HTR4: variants seen among roughly 807,000 people sequenced by gnomAD.
HTR4 encodes the protein 5-hydroxytryptamine receptor 4.
HTR4 carries 16 observed loss-of-function variants against 36.8 expected under a neutral mutation model. The ratio of observed to expected loss-of-function variants is 0.43; its 90% CI spans 0.29 to 0.66. HTR4 has a LOEUF of 0.66. Ranked by LOEUF, HTR4 falls within the 30% of genes least tolerant of loss-of-function variation. HTR4 has a pLI of 0.13. For missense variants in HTR4, 438 were observed against 490.9 expected (o/e 0.89, Z 1.02); for synonymous variants, 189 against 185.1 (o/e 1.02, Z -0.17).
intron 5 of HTR4, among the ~76,000 whole-genome samples, chr5:148,516,245 A>G (rs1757742821): frequency 6.6e-6 from 1 of 150,398 alleles, no homozygotes; most frequent in Non-Finnish European, 1.5e-5. Context: ...CTACTATTAA[A>G]TTTATCATTA....
rs143699636 is a variant in HTR4 at position 148,622,923 on chromosome 5, C to T, written c.26+14066G>A. Among the ~76,000 whole-genome samples the T allele has an allele frequency of 1.9e-3, 283 of 152,198 alleles. 3 individuals carry two copies. Among genetic ancestry groups the T allele is most frequent in the African/African-American group, 6.3e-3 (261 of 41,502 alleles). On this transcript the variant is annotated intron_variant, in intron 2 of 6. Coordinates refer to ENST00000377888, the MANE Select transcript of HTR4 (RefSeq NM_000870.7). ...TTCATAAATATGTACGCAAGTACCC[C>T]TAAAAACCTATTTGTAAAGCAAAAT...
chr5:148,639,937 C>T (rs561852274), intron 1 of HTR4, among the ~76,000 whole-genome samples: 1 of 152,068 alleles, frequency 6.6e-6, no homozygotes, highest in African/African-American at 2.4e-5. Flanking sequence ...TAATTAGTTG[C>T]CCTTTACTAC....
chr5:148,524,545 T>A (rs537506514), intron 4 of HTR4, among the ~76,000 whole-genome samples: 1 of 152,282 alleles, frequency 6.6e-6, no homozygotes, highest in East Asian at 1.9e-4. Context: ...GGCCTCTAAC[T>A]TCTAGACCGT....
chr5:148,489,363 A>G (rs1044752603), intron 6 of HTR4, among the ~76,000 whole-genome samples: 1 of 152,164 alleles, frequency 6.6e-6, no homozygotes, highest in African/African-American at 2.4e-5. Context: ...AAACAACATC[A>G]CTAAATTTGC....
intron 5 of HTR4, among the ~76,000 whole-genome samples, chr5:148,510,429 C>T (rs1159151356): frequency 1.3e-5 from 2 of 152,214 alleles, no homozygotes; most frequent in Non-Finnish European, 2.9e-5. Flanking sequence ...AATTCTGCCT[C>T]TGTTCTCCCT....
intron 2 of HTR4, among the ~76,000 whole-genome samples, chr5:148,590,190 T>C (rs1315413742): frequency 6.6e-6 from 1 of 152,090 alleles, no homozygotes; most frequent in African/African-American, 2.4e-5. Flanking sequence ...ACCCCTGTAA[T>C]TGAAAATGGT....
At chr5:148,613,362 A>T (rs1752522448) in intron 2 of HTR4, among the ~76,000 whole-genome samples, 1 of 143,320 alleles carries the variant, frequency 7.0e-6, no homozygotes, top group Non-Finnish European at 1.5e-5. Flanking sequence ...CCTGGGATGC[A>T]AGGCTGGTTC....
At chr5:148,636,907 C>T (rs1753560740) in intron 2 of HTR4, 82 bp downstream of exon 2, 1 of 882,580 alleles carries the variant, frequency 1.1e-6, no homozygotes, top group Non-Finnish European at 1.9e-6. Flanking sequence ...AACTTTATAA[C>T]TCTACAACAA....
intron 5 of HTR4, among the ~76,000 whole-genome samples, chr5:148,460,090 C>T (rs1755231889): frequency 1.3e-5 from 2 of 149,280 alleles, no homozygotes; most frequent in Non-Finnish European, 3.0e-5. Flanking sequence ...TAGAAACCTC[C>T]AAAATTGAAA....
rs115403529 is a variant in HTR4 at position 148,540,612 on chromosome 5, A to T, written c.353+8056T>A. On this transcript the variant is annotated intron_variant, in intron 4 of 6. Transcript: ENST00000377888. ...ACTAATAGATTCACCTTCAATATAC[A>T]ATGTGGAAGAGGATATAGTATTAGT... Among the ~76,000 whole-genome samples the T allele has an allele frequency of 8.0e-4, 122 of 151,844 alleles. 1 individual carries two copies. Among genetic ancestry groups the T allele is most frequent in the African/African-American group, 2.8e-3 (115 of 41,364 alleles).
chr5:148,632,498 C>T (rs969675581), intron 2 of HTR4, among the ~76,000 whole-genome samples: 3 of 152,040 alleles, frequency 2.0e-5, no homozygotes, highest in Admixed American at 2.0e-4. Flanking sequence ...GCTCATGGGG[C>T]AGGGAGGTGA....
At chr5:148,612,980 G>A (rs1218083203) in intron 2 of HTR4, among the ~76,000 whole-genome samples, 2 of 147,650 alleles carry the variant, frequency 1.4e-5, no homozygotes, top group Admixed American at 6.7e-5. Context: ...ACTAAACCAG[G>A]AAGAAGTTGA....
chr5:148,630,878 G>GGAAAATTCTTTTC (rs1378053133), intron 2 of HTR4, among the ~76,000 whole-genome samples: 1 of 152,092 alleles, frequency 6.6e-6, no homozygotes, highest in Non-Finnish European at 1.5e-5. Context: ...AAGTAATACA[G>GGAAAATTCTTTTC]CCAGTAAATG....
chr5:148,503,044 T>C (rs968191415), intron 6 of HTR4, among the ~76,000 whole-genome samples: 1 of 152,064 alleles, frequency 6.6e-6, no homozygotes, highest in African/African-American at 2.4e-5. Context: ...ACGGGGAGAA[T>C]GGAACCAAGT....
At chr5:148,576,124 A>AAAAAAAAAAAAAAAAAAAAC (rs1760901506) in intron 2 of HTR4, among the ~76,000 whole-genome samples, 1 of 147,416 alleles carries the variant, frequency 6.8e-6, no homozygotes, top group African/African-American at 2.5e-5. Flanking sequence ...AAAAAAAAAA[A>AAAAAAAAAAAAAAAAAAAAC]AAAAAAAAAC....
downstream of HTR4, among the ~76,000 whole-genome samples, chr5:148,471,744 GT>G (rs1755572691): frequency 6.6e-6 from 1 of 152,124 alleles, no homozygotes; most frequent in Non-Finnish European, 1.5e-5. Flanking sequence ...GTTATTTAAC[GT>G]TGGATTTTTA....
chr5:148,569,125 C>A (rs561743041), intron 2 of HTR4, among the ~76,000 whole-genome samples: 1 of 151,606 alleles, frequency 6.6e-6, no homozygotes, highest in Non-Finnish European at 1.5e-5. Context: ...AGGAATATAT[C>A]TGATCAGCAG....
intron 4 of HTR4, among the ~76,000 whole-genome samples, chr5:148,538,210 A>G (rs890256860): frequency 6.6e-6 from 1 of 152,276 alleles, no homozygotes; most frequent in African/African-American, 2.4e-5. Flanking sequence ...CTCAAAAAAA[A>G]CTAGGTATTG....
chr5:148,528,657 T>C (rs1758403198), intron 4 of HTR4, among the ~76,000 whole-genome samples: 2 of 152,160 alleles, frequency 1.3e-5, no homozygotes, highest in African/African-American at 4.8e-5. Flanking sequence ...AGAAATCTGA[T>C]AACTTGACTT....
Sources: gnomAD v4.1 joint callset for allele counts (sites outside exome capture counted in the v4.1 genomes callset) on GRCh38, gnomAD v4.1.1 for gene constraint, MANE v1.5 for transcripts, NCBI Gene and HGNC (gene_info 2026-07-23, HGNC 2026-07-21) for gene names.